Variants in TEX9 observed in about 807,000 individuals in gnomAD.
The protein encoded by TEX9 is testis expressed 9, also known as testis-expressed protein 9.
Under a neutral mutation model 59.6 loss-of-function variants are expected in TEX9, and 74 were observed. The observed-to-expected ratio is 1.24, with a 90% CI of 1.03 to 1.51. The LOEUF (loss-of-function observed/expected upper bound fraction) is 1.51, where lower values mean the gene tolerates loss of function less well. Ranked by LOEUF, TEX9 falls within the 40% of genes most tolerant of loss-of-function variation. The pLI is 0.00. For missense variants in TEX9, 522 were observed against 447.8 expected (o/e 1.17, Z -1.49); for synonymous variants, 186 against 152.2 (o/e 1.22, Z -1.64).
At chr15:56,244,356 G>A (rs897512328) in intron 1 of TEX9, 9 of 152,302 alleles carry the variant, frequency 5.9e-5, no homozygotes, top group Non-Finnish European at 8.8e-5. Context: ...AGGTAATTCG[G>A]TCTTGAACGG....
intron 12 of TEX9, chr15:56,431,330 T>G (rs749647988): frequency 2.5e-6 from 4 of 1,599,540 alleles, no homozygotes; most frequent in Non-Finnish European, 3.4e-6. Flanking sequence ...TTTTTCACTA[T>G]TACAGGTCAT....
At chr15:56,379,959 A>G (rs936981836) in intron 3 of TEX9, among the ~76,000 whole-genome samples, 8 of 151,654 alleles carry the variant, frequency 5.3e-5, no homozygotes, top group Non-Finnish European at 8.8e-5. Context: ...GCGACAGATC[A>G]TGGGGTCTTG....
intron 10 of TEX9, among the ~76,000 whole-genome samples, chr15:56,412,895 C>A (rs1470874721): frequency 6.6e-6 from 1 of 152,068 alleles, no homozygotes; most frequent in Non-Finnish European, 1.5e-5. Context: ...TGGGTCCCAT[C>A]CCCAGAATTT....
intron 12 of TEX9, among the ~76,000 whole-genome samples, chr15:56,436,879 T>C (rs536012910): frequency 1.3e-5 from 2 of 152,254 alleles, no homozygotes; most frequent in East Asian, 3.9e-4. Flanking sequence ...CCTGGACACA[T>C]ACACCCTCCC....
At chr15:56,404,563 A>C (rs1350875947) in intron 9 of TEX9, among the ~76,000 whole-genome samples, 1 of 152,230 alleles carries the variant, frequency 6.6e-6, no homozygotes, top group Non-Finnish European at 1.5e-5. Context: ...ACTGTGGTGG[A>C]AGACAGTGTG....
At chr15:56,253,009 G>A (rs2044063357) in intron 1 of TEX9, among the ~76,000 whole-genome samples, 1 of 152,122 alleles carries the variant, frequency 6.6e-6, no homozygotes, top group South Asian at 2.1e-4. Flanking sequence ...GAGAAGGGAA[G>A]GAATAGATTG....
At chr15:56,418,004 GC>G (rs2049782270) in intron 10 of TEX9, among the ~76,000 whole-genome samples, 1 of 151,718 alleles carries the variant, frequency 6.6e-6, no homozygotes, top group Non-Finnish European at 1.5e-5. Context: ...TGCAACCCCT[GC>G]TTTTTTCTGT....
chr15:56,318,088 C>T (rs1056420379), intron 1 of TEX9, among the ~76,000 whole-genome samples: 1 of 152,104 alleles, frequency 6.6e-6, no homozygotes, highest in Non-Finnish European at 1.5e-5. Context: ...TGAAATCTCT[C>T]TTATTGTTGA....
At chr15:56,258,979 A>G (rs2044206922) in intron 1 of TEX9, among the ~76,000 whole-genome samples, 1 of 151,314 alleles carries the variant, frequency 6.6e-6, no homozygotes, top group South Asian at 2.1e-4. Context: ...TATATAGCAA[A>G]TATCTTCTAC....
At chr15:56,376,314 T>C (rs574887027) in intron 3 of TEX9, among the ~76,000 whole-genome samples, 3 of 152,284 alleles carry the variant, frequency 2.0e-5, no homozygotes, top group African/African-American at 7.2e-5. Context: ...ACTTTAGTTT[T>C]TTGAGGAACC....
chr15:56,289,428 T>G (rs1254962663), intron 1 of TEX9, among the ~76,000 whole-genome samples: 1 of 152,138 alleles, frequency 6.6e-6, no homozygotes, highest in African/African-American at 2.4e-5. Context: ...ACTTGCTGGG[T>G]AGGGTGCAGC....
chr15:56,276,439 T>G (rs975732919), intron 1 of TEX9, among the ~76,000 whole-genome samples: 1 of 152,232 alleles, frequency 6.6e-6, no homozygotes, highest in Non-Finnish European at 1.5e-5. Context: ...TTTGGTTTTC[T>G]GTTCCCGTGT....
At chr15:56,312,566 G>A (rs376541023) in intron 1 of TEX9, among the ~76,000 whole-genome samples, 2 of 150,198 alleles carry the variant, frequency 1.3e-5, no homozygotes, top group East Asian at 1.9e-4. Context: ...TATAGTTTGA[G>A]GTCAGGTAGT....
At chr15:56,447,005 G>A, downstream of TEX9, 1 of 1,114,938 alleles carries the variant, frequency 9.0e-7, no homozygotes, top group Non-Finnish European at 1.3e-6. Flanking sequence ...AAACCTCACA[G>A]AAAACTGAGT....
chr15:56,359,990 T>C (rs1321962160), intron 1 of TEX9, among the ~76,000 whole-genome samples: 1 of 152,182 alleles, frequency 6.6e-6, no homozygotes, highest in African/African-American at 2.4e-5. Context: ...ATTTATATGA[T>C]CATATAATTT....
intron 1 of TEX9, among the ~76,000 whole-genome samples, chr15:56,295,149 C>T (rs2045188720): frequency 6.6e-6 from 1 of 152,096 alleles, no homozygotes; most frequent in African/African-American, 2.4e-5. Context: ...CAGAAACAGA[C>T]ACAGTTCTGA....
At chr15:56,283,358 G>A (rs2044865499) in intron 1 of TEX9, among the ~76,000 whole-genome samples, 1 of 151,796 alleles carries the variant, frequency 6.6e-6, no homozygotes, top group Admixed American at 6.6e-5. Context: ...CTTATCAGAT[G>A]GTATTCAAAA....
chr15:56,248,627 C>T (rs1466952824), intron 1 of TEX9, among the ~76,000 whole-genome samples: 3 of 152,148 alleles, frequency 2.0e-5, no homozygotes, highest in Non-Finnish European at 4.4e-5. Context: ...TTGTAACTTT[C>T]AATTCTTTTA....
At position 56,325,636 on chromosome 15, in the gene TEX9, T is replaced by C. The variant is rs148220269; in HGVS notation, c.-106-47805T>C. On this transcript the variant is annotated intron_variant, in intron 1 of 5. Transcript: ENST00000560827. ...CCTCTCATAATGTAAGGTAAAGATATGTGTTGTTTCCTTTTGTTTTAAGGA... is the reference window on the plus strand; with the variant it reads ...CCTCTCATAATGTAAGGTAAAGATACGTGTTGTTTCCTTTTGTTTTAAGGA... 2.8e-3 allele frequency among the ~76,000 whole-genome samples: 422 copies of C among 152,308 alleles called. 4 individuals are homozygous for C. The highest frequency in any genetic ancestry group is 9.7e-3 in the African/African-American group (402 of 41,562).
Sources: gnomAD v4.1 joint callset for allele counts (sites outside exome capture counted in the v4.1 genomes callset) on GRCh38, gnomAD v4.1.1 for gene constraint, MANE v1.5 for transcripts, NCBI Gene and HGNC (gene_info 2026-07-23, HGNC 2026-07-21) for gene names.